Variants in CEP128 observed in about 807,000 individuals in gnomAD.
The protein encoded by CEP128 is centrosomal protein 128kDa.
In CEP128, 132 loss-of-function variants were observed where a neutral mutation model predicts 156.7. The ratio of observed to expected loss-of-function variants is 0.84; its 90% confidence interval spans 0.73 to 0.97. The LOEUF is 0.97. Among genes scored for constraint, CEP128 ranks in the 50% least tolerant of loss-of-function variants. The probability of loss-of-function intolerance (pLI) is 0.00; values close to 1 mark genes in which losing one functional copy is unlikely to be tolerated. For synonymous variants in CEP128, 469 were observed against 448.9 expected (o/e 1.04, Z -0.57); for missense variants, 1,252 against 1,281.9 (o/e 0.98, Z 0.36).
chr14:80,673,235 G>A (rs936521766), intron 19 of CEP128, among the ~76,000 whole-genome samples: 2 of 152,230 alleles, frequency 1.3e-5, no homozygotes, highest in Middle Eastern at 6.8e-3. Flanking sequence ...ATACGTCTTT[G>A]CGGTATTTGT....
At chr14:80,586,239 G>A (rs137861145) in intron 19 of CEP128, among the ~76,000 whole-genome samples, 2 of 152,192 alleles carry the variant, frequency 1.3e-5, no homozygotes, top group African/African-American at 4.8e-5. Flanking sequence ...GAAGTGGAGG[G>A]CCTGGGGGCC....
At chr14:80,830,963 G>A in intron 13 of CEP128, 180 bp downstream of exon 13, 1 of 549,796 alleles carries the variant, frequency 1.8e-6, no homozygotes, top group East Asian at 3.1e-5. Context: ...CTGAATGAAA[G>A]AGAAATGAAC....
At chr14:80,861,236 T>C (rs894083462) in intron 9 of CEP128, among the ~76,000 whole-genome samples, 3 of 151,878 alleles carry the variant, frequency 2.0e-5, no homozygotes, top group Admixed American at 2.0e-4. Flanking sequence ...AAAAGTACAA[T>C]AGAAATTTAC....
rs145305604 is a variant in CEP128, at chr14:80,638,222, A to G, written c.2807-57799T>C. On this transcript the variant is annotated intron_variant, in intron 19 of 24. Coordinates refer to ENST00000555265, the MANE Select transcript of CEP128 (RefSeq NM_152446.5). ...AAAGAACAATGAATGGCCAAATCGT[A>G]TAGTTCCTCCAAGTGTCATTTCTTT... Among the ~76,000 whole-genome samples, 363 of 152,338 alleles carry G rather than the reference A, an allele frequency of 2.4e-3. 3 individuals are homozygous for G. Among genetic ancestry groups the G allele is most frequent in the Non-Finnish European group, 3.2e-3 (221 of 68,040 alleles).
chr14:80,869,807 A>T (rs1887939564), intron 8 of CEP128, among the ~76,000 whole-genome samples: 1 of 151,986 alleles, frequency 6.6e-6, no homozygotes. Flanking sequence ...TTTCTGCTTA[A>T]AGTTAGTTTT....
chr14:80,956,538 A>G (rs990605532), intron 2 of CEP128, among the ~76,000 whole-genome samples: 2 of 152,250 alleles, frequency 1.3e-5, no homozygotes, highest in South Asian at 4.1e-4. Flanking sequence ...ATACACACAC[A>G]ACCTGTTTCT....
intron 9 of CEP128, among the ~76,000 whole-genome samples, chr14:80,851,293 G>C (rs1368588655): frequency 6.6e-6 from 1 of 152,124 alleles, no homozygotes; most frequent in Non-Finnish European, 1.5e-5. Context: ...ATTATAGTTT[G>C]TGTTAAATGC....
intron 19 of CEP128, among the ~76,000 whole-genome samples, chr14:80,710,931 C>T (rs1027208274): frequency 1.6e-4 from 25 of 152,054 alleles, no homozygotes; most frequent in African/African-American, 6.0e-4. Context: ...AAAAAATTAT[C>T]GTCTGAAATC....
chr14:80,617,012 C>A (rs1893241094), intron 19 of CEP128, among the ~76,000 whole-genome samples: 1 of 152,008 alleles, frequency 6.6e-6, no homozygotes, highest in Non-Finnish European at 1.5e-5. Context: ...GGAAATCACT[C>A]AGTCCTCTAA....
intron 19 of CEP128, among the ~76,000 whole-genome samples, chr14:80,688,502 T>C (rs1426661831): frequency 6.6e-6 from 1 of 152,216 alleles, no homozygotes; most frequent in East Asian, 1.9e-4. Flanking sequence ...AGCATCAAGT[T>C]TAGCAAGAAG....
At chr14:80,874,891 T>A (rs1888207467) in intron 8 of CEP128, among the ~76,000 whole-genome samples, 1 of 152,242 alleles carries the variant, frequency 6.6e-6, no homozygotes, top group Non-Finnish European at 1.5e-5. Context: ...GTGCTGGGAT[T>A]ACAGGCGTGA....
chr14:80,563,235 C>G (rs527389504), intron 20 of CEP128, among the ~76,000 whole-genome samples: 1 of 151,964 alleles, frequency 6.6e-6, no homozygotes, highest in African/African-American at 2.4e-5. Context: ...AGGGCTTAAT[C>G]CTGAAAAGAA....
chr14:80,742,101 T>C (rs1243475588), intron 19 of CEP128, among the ~76,000 whole-genome samples: 3 of 152,210 alleles, frequency 2.0e-5, no homozygotes, highest in African/African-American at 7.2e-5. Context: ...TGGTAGCAGA[T>C]TAAAGTGTTC....
intron 19 of CEP128, among the ~76,000 whole-genome samples, chr14:80,592,726 A>T (rs10136130): frequency 0.43 from 65,437 of 152,100 alleles, 14,532 homozygotes; most frequent in African/African-American, 0.54. Flanking sequence ...ATATCCCTGA[A>T]GAACATTGCA....
At chr14:80,861,855 GATTT>G (rs1047560886) in intron 9 of CEP128, among the ~76,000 whole-genome samples, 1 of 152,074 alleles carries the variant, frequency 6.6e-6, no homozygotes, top group African/African-American at 2.4e-5. Flanking sequence ...GATGAAAAAT[GATTT>G]ATTTTTTAAT....
At chr14:80,951,233 A>C (rs1886457248) in intron 2 of CEP128, among the ~76,000 whole-genome samples, 1 of 152,260 alleles carries the variant, frequency 6.6e-6, no homozygotes, top group Non-Finnish European at 1.5e-5. Flanking sequence ...AATGAGAAAG[A>C]CCAGAAGGGG....
chr14:80,809,779 T>G (rs924276563), intron 13 of CEP128, among the ~76,000 whole-genome samples: 1 of 152,020 alleles, frequency 6.6e-6, no homozygotes, highest in African/African-American at 2.4e-5. Context: ...AAAAAAAAAT[T>G]GTCTCACAGA....
intron 20 of CEP128, among the ~76,000 whole-genome samples, chr14:80,577,545 A>G (rs1030515824): frequency 2.6e-5 from 4 of 152,130 alleles, no homozygotes; most frequent in Admixed American, 1.3e-4. Context: ...TCTAAAACAT[A>G]TTAAGAAGTC....
chr14:80,739,087 G>T (rs1898677474), intron 19 of CEP128, among the ~76,000 whole-genome samples: 1 of 152,206 alleles, frequency 6.6e-6, no homozygotes, highest in South Asian at 2.1e-4. Context: ...AAATCCAGTG[G>T]CTACTTCTCA....
Sources: gnomAD v4.1 joint callset for allele counts (sites outside exome capture counted in the v4.1 genomes callset) on GRCh38, gnomAD v4.1.1 for gene constraint, MANE v1.5 for transcripts, NCBI Gene and HGNC (gene_info 2026-07-23, HGNC 2026-07-21) for gene names.